SLX4IP: variants seen among roughly 807,000 people sequenced by gnomAD.
SLX4IP encodes the protein SLX4 interacting protein, also known as protein SLX4IP.
In SLX4IP, 34 loss-of-function variants were observed where a neutral mutation model predicts 32.9. The observed-to-expected ratio is 1.03, with a 90% confidence interval of 0.79 to 1.38. SLX4IP has a LOEUF of 1.38. Ranked by LOEUF, SLX4IP falls within the 40% of genes most tolerant of loss-of-function variation. The pLI is 0.00. For missense variants in SLX4IP, 444 were observed against 479.0 expected (o/e 0.93, Z 0.68); for synonymous variants, 172 against 171.7 (o/e 1.00, Z -0.01).
At chr20:10,600,347 C>G (rs2066827178) in intron 5 of SLX4IP, among the ~76,000 whole-genome samples, 2 of 152,088 alleles carry the variant, frequency 1.3e-5, no homozygotes, top group Non-Finnish European at 2.9e-5. Flanking sequence ...CAGGTTAATC[C>G]CTAATCATGG....
At chr20:10,547,259 C>T (rs2066171710) in intron 2 of SLX4IP, among the ~76,000 whole-genome samples, 1 of 147,436 alleles carries the variant, frequency 6.8e-6, no homozygotes, top group African/African-American at 2.5e-5. Context: ...TTCTGCTTTT[C>T]CCTCATCTTT....
intron 4 of SLX4IP, among the ~76,000 whole-genome samples, chr20:10,578,041 A>G (rs1216813600): frequency 6.6e-6 from 1 of 152,246 alleles, no homozygotes; most frequent in Non-Finnish European, 1.5e-5. Context: ...CAATCCATTT[A>G]GCTGAAGAAT....
chr20:10,506,793 C>G (rs2065763597), intron 2 of SLX4IP, among the ~76,000 whole-genome samples: 1 of 152,084 alleles, frequency 6.6e-6, no homozygotes, highest in South Asian at 2.1e-4. Flanking sequence ...AAAAGCAGAA[C>G]CAGGTGAAAG....
intron 2 of SLX4IP, among the ~76,000 whole-genome samples, chr20:10,529,116 A>C (rs1159261826): frequency 1.3e-5 from 2 of 152,206 alleles, no homozygotes; most frequent in African/African-American, 4.8e-5. Flanking sequence ...CTAAAGACTA[A>C]AAAGTAGATT....
At chr20:10,569,175 A>ATTT (rs555310488) in intron 4 of SLX4IP, among the ~76,000 whole-genome samples, 6 of 129,916 alleles carry the variant, frequency 4.6e-5, no homozygotes, top group Non-Finnish European at 8.2e-5. Context: ...CCAGATCTAG[A>ATTT]TTTTTTTTTT....
chr20:10,583,946 A>T (rs1395277466), intron 4 of SLX4IP, among the ~76,000 whole-genome samples: 1 of 152,252 alleles, frequency 6.6e-6, no homozygotes, highest in Non-Finnish European at 1.5e-5. Context: ...GGGTGTTAGC[A>T]TACATAGTTC....
intron 2 of SLX4IP, among the ~76,000 whole-genome samples, chr20:10,518,341 T>C (rs1210359214): frequency 9.3e-6 from 1 of 108,072 alleles, no homozygotes; most frequent in African/African-American, 2.7e-5. Context: ...GACCAGTCTT[T>C]TCTTTCTTTC....
intron 1 of SLX4IP, among the ~76,000 whole-genome samples, chr20:10,445,516 C>T (rs546579510): frequency 2.0e-5 from 3 of 151,540 alleles, no homozygotes; most frequent in Admixed American, 6.6e-5. Flanking sequence ...GGAGTTTCAC[C>T]ATGTTGGCCA....
At chr20:10,622,522 C>T (rs2067123131) in intron 7 of SLX4IP, 137 bp from the exon 8 acceptor site, 1 of 1,248,556 alleles carries the variant, frequency 8.0e-7, no homozygotes, top group Non-Finnish European at 1.1e-6. Context: ...GGGAGTGTTT[C>T]CAGATTTGCT....
intron 2 of SLX4IP, among the ~76,000 whole-genome samples, chr20:10,503,375 CA>C (rs1214408852): frequency 6.6e-6 from 1 of 152,136 alleles, no homozygotes; most frequent in Non-Finnish European, 1.5e-5. Context: ...ACCATTGAAG[CA>C]ACCTAGAAAG....
rs573094158 is a variant in SLX4IP, at chr20:10,557,575, A to G, written c.117+1255A>G. On this transcript the variant is annotated intron_variant, in intron 3 of 7. Transcript: ENST00000334534. Reference sequence around the variant, plus strand: ...TCAAAACTGTTCACTCGTTTCCCCAAAGTGACCAATAGTCACCCAAGGGGA... The same window carrying G: ...TCAAAACTGTTCACTCGTTTCCCCAGAGTGACCAATAGTCACCCAAGGGGA... 1.1e-4 allele frequency among the ~76,000 whole-genome samples: 17 copies of G among 152,304 alleles called. No individual in the cohort carries two copies. The South Asian group carries it at 3.3e-3, about 30-fold the overall frequency.
At chr20:10,531,836 C>G (rs1227380961) in intron 2 of SLX4IP, among the ~76,000 whole-genome samples, 1 of 152,162 alleles carries the variant, frequency 6.6e-6, no homozygotes, top group African/African-American at 2.4e-5. Flanking sequence ...CAGCAGGTAC[C>G]AAGCCTTTGA....
At chr20:10,501,308 T>G (rs1387563423) in intron 2 of SLX4IP, among the ~76,000 whole-genome samples, 1 of 152,200 alleles carries the variant, frequency 6.6e-6, no homozygotes, top group Non-Finnish European at 1.5e-5. Context: ...AAACTAATGC[T>G]TTAATTTACA....
chr20:10,468,137 C>T (rs2065396083), intron 2 of SLX4IP, among the ~76,000 whole-genome samples: 1 of 152,164 alleles, frequency 6.6e-6, no homozygotes, highest in Admixed American at 6.5e-5. Flanking sequence ...CTTTGAAAGT[C>T]TCTGATGCTG....
At chr20:10,610,518 G>A (rs1160581168) in intron 6 of SLX4IP, among the ~76,000 whole-genome samples, 1 of 152,236 alleles carries the variant, frequency 6.6e-6, no homozygotes, top group African/African-American at 2.4e-5. Context: ...GAACTGGGCA[G>A]ATGGCTTGGC....
intron 4 of SLX4IP, among the ~76,000 whole-genome samples, chr20:10,596,276 G>A (rs774316625): frequency 6.6e-6 from 1 of 152,090 alleles, no homozygotes; most frequent in Non-Finnish European, 1.5e-5. Context: ...CCAGCCTGGA[G>A]TACAGTGGTG....
intron 4 of SLX4IP, among the ~76,000 whole-genome samples, chr20:10,589,104 T>G (rs2066677892): frequency 6.6e-6 from 1 of 152,174 alleles, no homozygotes; most frequent in Admixed American, 6.5e-5. Flanking sequence ...GAAAAAAGAT[T>G]TAATAGGCAT....
chr20:10,613,815 A>T, intron 6 of SLX4IP: 2 of 1,612,422 alleles, frequency 1.2e-6, no homozygotes, highest in Non-Finnish European at 1.7e-6. Flanking sequence ...CTTGAAGTCC[A>T]GATAGGCCTG....
At chr20:10,508,988 C>T (rs181053324) in intron 2 of SLX4IP, among the ~76,000 whole-genome samples, 33 of 152,246 alleles carry the variant, frequency 2.2e-4, no homozygotes, top group Admixed American at 1.9e-3. Context: ...TTATGGCCTT[C>T]CCAAGAGAAT....
Sources: allele counts gnomAD v4.1 joint callset (sites outside exome capture counted in the v4.1 genomes callset), GRCh38; gene constraint gnomAD v4.1.1; transcripts MANE v1.5; gene names NCBI Gene and HGNC (gene_info 2026-07-23, HGNC 2026-07-21).